ELOVL6: variants seen among roughly 807,000 people sequenced by gnomAD.
The protein encoded by ELOVL6 is very long chain fatty acid elongase 6.
Under a neutral mutation model 31.7 loss-of-function variants are expected in ELOVL6, and 8 were observed. The observed-to-expected ratio is 0.25, with a 90% CI of 0.15 to 0.45. The LOEUF is 0.45. Among genes scored for constraint, ELOVL6 ranks in the 20% least tolerant of loss-of-function variants. The probability of loss-of-function intolerance (pLI) is 1.00; values close to 1 mark genes in which losing one functional copy is unlikely to be tolerated. For synonymous variants in ELOVL6, 101 were observed against 117.7 expected, an observed-to-expected ratio of 0.86 and a Z score of 0.92; for missense variants, 126 against 326.4, an observed-to-expected ratio of 0.39 and a Z score of 4.73.
At chr4:110,180,021 G>A (rs1759225142) in intron 1 of ELOVL6, among the ~76,000 whole-genome samples, 1 of 152,218 alleles carries the variant, frequency 6.6e-6, no homozygotes, top group South Asian at 2.1e-4. Flanking sequence ...AGAAATATCA[G>A]CCATAAAATG....
chr4:110,111,601 G>A (rs1301501117), intron 1 of ELOVL6, among the ~76,000 whole-genome samples: 1 of 152,086 alleles, frequency 6.6e-6, no homozygotes, highest in Non-Finnish European at 1.5e-5. Flanking sequence ...GGTAACACAT[G>A]GTTATATAGG....
intron 2 of ELOVL6, among the ~76,000 whole-genome samples, chr4:110,085,361 A>G (rs1756229128): frequency 6.6e-6 from 1 of 152,212 alleles, no homozygotes; most frequent in African/African-American, 2.4e-5. Context: ...GAACACTGCT[A>G]TCTCAGGTGC....
At position 110,157,892 on chromosome 4, in the gene ELOVL6, T is replaced by C. The variant is rs1315027366; in HGVS notation, c.89+40355A>G. Among the ~76,000 whole-genome samples, 11 of 152,324 alleles carry C rather than the reference T, an allele frequency of 7.2e-5. No individual in the cohort carries two copies. The East Asian group carries it at 2.1e-3, about 29-fold the overall frequency. On this transcript the variant is annotated intron_variant, in intron 1 of 3. Coordinates refer to ENST00000302274, the MANE Select transcript of ELOVL6 (RefSeq NM_024090.3). ...ATTATTAAAAGTAGGAAATATATAT[T>C]CATGAAGAAGTGGACCAGCACTTTG...
chr4:110,183,708 T>C (rs910577914), intron 1 of ELOVL6, among the ~76,000 whole-genome samples: 17 of 152,188 alleles, frequency 1.1e-4, no homozygotes, highest in African/African-American at 3.9e-4. Flanking sequence ...AAGTCTTTTT[T>C]TAAAAGTCAT....
intron 2 of ELOVL6, among the ~76,000 whole-genome samples, chr4:110,060,586 G>A (rs967029312): frequency 1.3e-5 from 2 of 152,300 alleles, no homozygotes; most frequent in East Asian, 3.9e-4. Flanking sequence ...AGGAAGTTCT[G>A]GAACACATTA....
At chr4:110,176,428 G>A (rs886813060) in intron 1 of ELOVL6, among the ~76,000 whole-genome samples, 5 of 152,062 alleles carry the variant, frequency 3.3e-5, no homozygotes, top group African/African-American at 1.2e-4. Context: ...CCAAAGTGCT[G>A]AGATTACAGG....
chr4:110,171,900 G>C (rs1027261749), intron 1 of ELOVL6, among the ~76,000 whole-genome samples: 3 of 151,814 alleles, frequency 2.0e-5, no homozygotes, highest in African/African-American at 7.3e-5. Context: ...ATATTGCCCA[G>C]GCTGGTCTCG....
chr4:110,166,350 C>T (rs998353469), intron 1 of ELOVL6, among the ~76,000 whole-genome samples: 4 of 152,250 alleles, frequency 2.6e-5, no homozygotes, highest in Admixed American at 6.5e-5. Flanking sequence ...CGGTGGCTCA[C>T]GCCTGTAATC....
chr4:110,156,779 C>T (rs1212101641), intron 1 of ELOVL6, among the ~76,000 whole-genome samples: 1 of 152,174 alleles, frequency 6.6e-6, no homozygotes, highest in Non-Finnish European at 1.5e-5. Context: ...TTTCTTTAAG[C>T]AGTTAGTTTT....
rs886647339 is a variant in ELOVL6 at position 110,046,164 on chromosome 4, G to C, written c.*5174C>G. On this transcript the variant is annotated 3_prime_UTR_variant, in exon 4 of 4. Coordinates refer to ENST00000302274, the MANE Select transcript of ELOVL6 (RefSeq NM_024090.3). The stretch of plus-strand genomic sequence containing the variant: ...TTCTGTGGCCTTCTTAGTTTTTGTC[G>C]ATGGAAATAAAGTCTCAAGTGCTAC... The C allele has an allele frequency of 6.6e-6, 1 of 152,110 alleles. No individual in the cohort carries two copies. Among genetic ancestry groups the C allele is most frequent in the East Asian group, 1.9e-4 (1 of 5,184 alleles). The allele number at this position is 152,110 out of a possible 1,614,324, so 9.4% of individuals were successfully genotyped here.
At chr4:110,150,868 C>T (rs1332393522) in intron 1 of ELOVL6, among the ~76,000 whole-genome samples, 1 of 152,070 alleles carries the variant, frequency 6.6e-6, no homozygotes, top group East Asian at 1.9e-4. Context: ...CATGGTGAAA[C>T]TCTGTCTCTA....
chr4:110,185,055 T>C (rs935006225), intron 1 of ELOVL6, among the ~76,000 whole-genome samples: 2 of 152,200 alleles, frequency 1.3e-5, no homozygotes, highest in Non-Finnish European at 2.9e-5. Flanking sequence ...GTAAGGATCA[T>C]GGACATGGAG....
chr4:110,133,276 G>C (rs1255531207), intron 1 of ELOVL6, among the ~76,000 whole-genome samples: 1 of 152,120 alleles, frequency 6.6e-6, no homozygotes, highest in Non-Finnish European at 1.5e-5. Context: ...CACAATCAGG[G>C]CCTAATGAGT....
At chr4:110,116,665 T>G (rs1166243561) in intron 1 of ELOVL6, among the ~76,000 whole-genome samples, 1 of 152,260 alleles carries the variant, frequency 6.6e-6, no homozygotes, top group Non-Finnish European at 1.5e-5. Context: ...AAAGGTTACT[T>G]GGTTTGTAAC....
intron 1 of ELOVL6, among the ~76,000 whole-genome samples, chr4:110,197,149 C>T (rs1041113514): frequency 2.0e-5 from 3 of 152,314 alleles, no homozygotes; most frequent in African/African-American, 7.2e-5. Context: ...GCCCGACCCT[C>T]CCCGGTCAAG....
chr4:110,142,066 CTTTTT>C (rs34800709), intron 1 of ELOVL6, among the ~76,000 whole-genome samples: 1 of 74,348 alleles, frequency 1.3e-5, no homozygotes, highest in African/African-American at 5.9e-5. Flanking sequence ...CCCTTACTAA[CTTTTT>C]TTTTTTTTTT....
chr4:110,058,484 C>T (rs2126221725), intron 3 of ELOVL6, among the ~76,000 whole-genome samples: 1 of 152,266 alleles, frequency 6.6e-6, no homozygotes, highest in African/African-American at 2.4e-5. Flanking sequence ...TTTCTGGCTT[C>T]CAGTGGAAGG....
chr4:110,114,236 T>C (rs752927857), intron 1 of ELOVL6, among the ~76,000 whole-genome samples: 2 of 152,236 alleles, frequency 1.3e-5, no homozygotes, highest in Non-Finnish European at 2.9e-5. Flanking sequence ...TTCTATAATA[T>C]AAATGAAGCA....
rs140834897 is a variant in ELOVL6 at position 110,179,454 on chromosome 4, C to T, written c.89+18793G>A. Among the ~76,000 whole-genome samples, 797 of 152,040 alleles carry T rather than the reference C, an allele frequency of 5.2e-3. 5 individuals carry two copies. Among genetic ancestry groups the T allele is most frequent in the African/African-American group, 0.018 (729 of 41,456 alleles). Reference sequence around the variant, plus strand: ...CCGGGAGGCTGAGGTTGCAGTGAGCCGAAATTACGCCACTGCACTCCAGCC... The same window carrying T: ...CCGGGAGGCTGAGGTTGCAGTGAGCTGAAATTACGCCACTGCACTCCAGCC... On this transcript the variant is annotated intron_variant, in intron 1 of 3. Transcript: ENST00000302274.
Sources: gnomAD v4.1 joint callset for allele counts (sites outside exome capture counted in the v4.1 genomes callset) on GRCh38, gnomAD v4.1.1 for gene constraint, MANE v1.5 for transcripts, NCBI Gene and HGNC (gene_info 2026-07-23, HGNC 2026-07-21) for gene names.